Variants in LIMCH1 observed in about 807,000 individuals in gnomAD.
The protein encoded by LIMCH1 is LIM and calponin homology domains 1.
In LIMCH1, 113 loss-of-function variants were observed where a neutral mutation model predicts 176.5. The observed-to-expected ratio is 0.64, with a 90% CI of 0.55 to 0.75. The LOEUF (loss-of-function observed/expected upper bound fraction) is 0.75. Among genes scored for constraint, LIMCH1 ranks in the 30% least tolerant of loss-of-function variants. LIMCH1 has a pLI of 0.00. For missense variants in LIMCH1, 1,674 were observed against 1,814.9 expected, an observed-to-expected ratio of 0.92 and a Z score of 1.41; for synonymous variants, 619 against 645.9, an observed-to-expected ratio of 0.96 and a Z score of 0.63.
intron 1 of LIMCH1, among the ~76,000 whole-genome samples, chr4:41,563,418 C>G (rs74612142): frequency 1.1e-4 from 16 of 152,058 alleles, no homozygotes; most frequent in African/African-American, 3.1e-4. Context: ...ATCAGAACCC[C>G]GCAAACAGCT....
At position 41,680,097 on chromosome 4, in the gene LIMCH1, A is replaced by G. The variant is rs781063734; in HGVS notation, c.3611A>G (p.Glu1204Gly). 3 of 1,595,944 alleles carry G rather than the reference A, an allele frequency of 1.9e-6. No homozygotes were observed. Among genetic ancestry groups the G allele is most frequent in the Non-Finnish European group, 2.6e-6 (3 of 1,169,378 alleles). Residue 1204 changes from glutamate to glycine, a missense_variant and splice_region_variant, in exon 24 of 32, where the codon GAG (glutamate) becomes GGG (glycine). Physicochemically the swap from Glu to Gly is moderately conservative, Grantham distance 98 (BLOSUM62 -2). Around this residue, in one of 3 missense-constraint regions of LIMCH1, gnomAD observed 1,015 missense variants for 1,102.5 expected, o/e 0.92. Coordinates refer to ENST00000503057, the MANE Select transcript of LIMCH1 (RefSeq NM_001330672.2). ...VEEEERRYYE[E>G]ERKIIEDTVV... ...GAGGAAGAACGCAGATACTATGAGG[A>G]GGTAGGAAATTCCCAAGAAGGAATT...
intron 1 of LIMCH1, among the ~76,000 whole-genome samples, chr4:41,467,172 C>T (rs865787141): frequency 0.46 from 66,096 of 144,418 alleles, 16,776 homozygotes; most frequent in African/African-American, 0.69. Flanking sequence ...CACACACACA[C>T]ACACACACAC....
At chr4:41,428,122 G>C (rs1254143438) in intron 1 of LIMCH1, among the ~76,000 whole-genome samples, 1 of 152,152 alleles carries the variant, frequency 6.6e-6, no homozygotes, top group Non-Finnish European at 1.5e-5. Flanking sequence ...CTGTTCAAAG[G>C]AGGGGTGTCG....
chr4:41,666,922 C>A (rs2094847718), intron 21 of LIMCH1, among the ~76,000 whole-genome samples: 1 of 152,134 alleles, frequency 6.6e-6, no homozygotes, highest in African/African-American at 2.4e-5. Context: ...AGAGCCTATA[C>A]AAGTGTTAGA....
chr4:41,360,232 T>C (rs149664896), upstream of LIMCH1, among the ~76,000 whole-genome samples: 13 of 150,806 alleles, frequency 8.6e-5, no homozygotes, highest in Non-Finnish European at 1.5e-4. This position sits in a 1 kb window ranked among gnomAD's most constrained non-coding sequence, Gnocchi z 4.5. Flanking sequence ...GGCTGTGTAC[T>C]TCCCGGCGCC....
chr4:41,396,019 A>G (rs1221425718), intron 1 of LIMCH1, among the ~76,000 whole-genome samples: 4 of 152,218 alleles, frequency 2.6e-5, no homozygotes, highest in African/African-American at 9.6e-5. Context: ...CGAAAGCCAT[A>G]AGAACACCTG....
intron 1 of LIMCH1, chr4:41,361,060 T>C (rs1447658860): frequency 1.7e-6 from 1 of 572,196 alleles, no homozygotes; most frequent in Non-Finnish European, 3.0e-6. Context: ...TGCCAGCTGC[T>C]CCAGGTCACC....
chr4:41,411,955 T>A, intron 1 of LIMCH1, among the ~76,000 whole-genome samples: 1 of 41,154 alleles, frequency 2.4e-5, no homozygotes, highest in South Asian at 1.1e-3. Context: ...AGACTCCATC[T>A]CAAAAAAAAA....
intron 21 of LIMCH1, among the ~76,000 whole-genome samples, chr4:41,668,390 T>C (rs1035654270): frequency 3.3e-5 from 5 of 152,236 alleles, no homozygotes; most frequent in African/African-American, 9.6e-5. Flanking sequence ...AATGGCCATA[T>C]TTGGACCAAT....
rs528024341 is a variant in LIMCH1, at chr4:41,393,054, A to G, written c.96+32118A>G. 3.3e-5 allele frequency among the ~76,000 whole-genome samples: 5 copies of G among 152,274 alleles called. No homozygotes were observed. In the South Asian group the frequency reaches 1.0e-3, roughly 32 times the overall value. ...CAAAAAAGAAAAAAGAAAATGTTAT[A>G]TATCTTTTATTTTTTGGTCGAGCAC... is the stretch of plus-strand genomic sequence containing the variant. On this transcript the variant is annotated intron_variant, in intron 1 of 26. Transcript: ENST00000313860.
chr4:41,487,177 C>T (rs1238181660), intron 1 of LIMCH1, among the ~76,000 whole-genome samples: 3 of 152,030 alleles, frequency 2.0e-5, no homozygotes, highest in Admixed American at 2.0e-4. Context: ...GTGTTTCTAA[C>T]ATGAATTGCA....
chr4:41,513,413 G>A (rs1286408076), intron 2 of LIMCH1, among the ~76,000 whole-genome samples: 2 of 152,164 alleles, frequency 1.3e-5, no homozygotes, highest in African/African-American at 4.8e-5. Flanking sequence ...GGAGAATAAT[G>A]TGTGTTGCCC....
intron 1 of LIMCH1, among the ~76,000 whole-genome samples, chr4:41,365,624 G>T (rs947498945): frequency 2.6e-5 from 4 of 152,210 alleles, no homozygotes; most frequent in African/African-American, 9.7e-5. Context: ...AAGTTGCCAA[G>T]GAAGAGGAAG....
At chr4:41,527,513 A>T (rs1239814580) in intron 3 of LIMCH1, among the ~76,000 whole-genome samples, 4 of 152,282 alleles carry the variant, frequency 2.6e-5, no homozygotes, top group Admixed American at 2.0e-4. Context: ...TGTCCTCTTC[A>T]CCACTGTCAG....
intron 3 of LIMCH1, among the ~76,000 whole-genome samples, chr4:41,527,951 A>T (rs150502450): frequency 9.9e-4 from 151 of 152,304 alleles, no homozygotes; most frequent in African/African-American, 3.4e-3. Context: ...GGAAAACGCA[A>T]CTATAATAGA....
chr4:41,470,340 G>C (rs113302254), intron 1 of LIMCH1, among the ~76,000 whole-genome samples: 1 of 152,054 alleles, frequency 6.6e-6, no homozygotes, highest in South Asian at 2.1e-4. Flanking sequence ...CTCCCTGCTC[G>C]TGTGTAAGGC....
intron 1 of LIMCH1, among the ~76,000 whole-genome samples, chr4:41,591,899 G>C (rs1401757854): frequency 2.0e-5 from 3 of 152,182 alleles, no homozygotes; most frequent in Admixed American, 2.0e-4. Context: ...CCAAATGCAG[G>C]GTGTCTGCCC....
rs772583106 is a variant in LIMCH1 at position 41,631,297 on chromosome 4, T to A, written c.1421T>A (p.Val474Glu). The A allele has an allele frequency of 5.9e-6, 9 of 1,535,978 alleles. No homozygotes were observed. The African/African-American group carries it at 1.2e-4, about 21-fold the overall frequency. ...PRQKFVHFGP[V>E]TELDQQKWKR... ...CAAAAGTTTGTGCACTTTGGGCCAGTGACGGAGCTAGATCAGCAGAAATGG... is the reference window on the plus strand; with the variant it reads ...CAAAAGTTTGTGCACTTTGGGCCAGAGACGGAGCTAGATCAGCAGAAATGG... Residue 474 changes from valine (V) to glutamate (E), a missense_variant, in exon 10 of 32, where the codon GTG (valine) becomes GAG (glutamate). By Grantham distance (121) the Val-to-Glu change is moderately radical (BLOSUM62 -2). Coordinates refer to ENST00000503057, the MANE Select transcript of LIMCH1 (RefSeq NM_001330672.2).
In LIMCH1 at chr4:41,644,556, G is replaced by A; in HGVS notation, c.2183G>A (p.Ser728Asn). The A allele has an allele frequency of 6.2e-7, 1 of 1,606,372 alleles. No homozygotes were observed. Among genetic ancestry groups the A allele is most frequent in the Non-Finnish European group, 8.5e-7 (1 of 1,176,658 alleles). The change falls in exon 15 of 32, where the codon AGC becomes AAC. Residue 728 changes from serine to asparagine, a missense_variant. Coordinates refer to ENST00000503057, the MANE Select transcript of LIMCH1 (RefSeq NM_001330672.2). ...CEEEAAVQPH[S>N]RARQEQLQLI... Reference sequence around the variant, plus strand: ...GAGGAGGCCGCGGTGCAGCCGCACAGCAGGGCCCGCCAGGAGCAGCTGCAG... The same window carrying A: ...GAGGAGGCCGCGGTGCAGCCGCACAACAGGGCCCGCCAGGAGCAGCTGCAG...
Sources: allele counts gnomAD v4.1 joint callset (sites outside exome capture counted in the v4.1 genomes callset), GRCh38; gene constraint gnomAD v4.1.1; regional missense constraint gnomAD v4.1.1; non-coding constraint Gnocchi (gnomAD v3.1); transcripts MANE v1.5; gene names NCBI Gene and HGNC (gene_info 2026-07-23, HGNC 2026-07-21).